ZNF385B: variants seen among roughly 807,000 people sequenced by gnomAD.
The protein encoded by ZNF385B is zinc finger protein 533.
Under a neutral mutation model 39.2 loss-of-function variants are expected in ZNF385B, and 23 were observed. The ratio of observed to expected loss-of-function variants is 0.59; its 90% CI spans 0.42 to 0.83. The LOEUF is 0.83. Ranked by LOEUF, ZNF385B falls within the 40% of genes least tolerant of loss-of-function variation. The probability of loss-of-function intolerance (pLI) is 0.00; values close to 1 mark genes in which losing one functional copy is unlikely to be tolerated. For missense variants in ZNF385B, 552 were observed against 598.9 expected (o/e 0.92, Z 0.82); for synonymous variants, 205 against 222.6 (o/e 0.92, Z 0.70).
intron 1 of ZNF385B, among the ~76,000 whole-genome samples, chr2:179,845,152 T>A (rs1708735465): frequency 1.3e-5 from 2 of 152,254 alleles, no homozygotes; most frequent in South Asian, 4.2e-4. Context: ...TAAACTGAAG[T>A]CCATCATAGA....
intron 7 of ZNF385B, 23 bp from the exon 8 acceptor site, chr2:179,445,751 T>G: frequency 6.4e-7 from 1 of 1,566,066 alleles, no homozygotes; most frequent in Non-Finnish European, 8.6e-7. Context: ...GAGACACATA[T>G]TAAATAGCTA....
chr2:179,850,138 G>A (rs550532047), intron 1 of ZNF385B, among the ~76,000 whole-genome samples: 3 of 152,290 alleles, frequency 2.0e-5, no homozygotes, highest in South Asian at 4.1e-4. Context: ...GGGGGGAAAG[G>A]TGAAGTAATT....
intron 3 of ZNF385B, among the ~76,000 whole-genome samples, chr2:179,557,556 CATGTTATATATGTATGTTATATA>C (rs2061003711): frequency 9.6e-6 from 1 of 103,854 alleles, no homozygotes; most frequent in Admixed American, 1.0e-4. Context: ...AACATATATA[CATGTTATATATGTATGTTATATA>C]CATGTATATA....
At chr2:179,763,467 T>C (rs1489944929) in intron 3 of ZNF385B, among the ~76,000 whole-genome samples, 1 of 152,216 alleles carries the variant, frequency 6.6e-6, no homozygotes, top group African/African-American at 2.4e-5. Context: ...TTATGGACTT[T>C]TCCTCTATTG....
chr2:179,609,019 T>C (rs1689068753), intron 3 of ZNF385B, among the ~76,000 whole-genome samples: 1 of 152,006 alleles, frequency 6.6e-6, no homozygotes, highest in South Asian at 2.1e-4. Flanking sequence ...CTAATAATAA[T>C]ATTAAGGTAA....
At chr2:179,698,960 T>TAAA (rs1446434744) in intron 3 of ZNF385B, among the ~76,000 whole-genome samples, 1 of 152,198 alleles carries the variant, frequency 6.6e-6, no homozygotes, top group African/African-American at 2.4e-5. Flanking sequence ...TTTAAATAAT[T>TAAA]TCACTATTGA....
intron 3 of ZNF385B, among the ~76,000 whole-genome samples, chr2:179,653,043 AT>A (rs749428008): frequency 1.3e-5 from 2 of 152,090 alleles, no homozygotes; most frequent in South Asian, 4.1e-4. Flanking sequence ...CTCAATAAAA[AT>A]TTTTTAAGTA....
intron 3 of ZNF385B, among the ~76,000 whole-genome samples, chr2:179,681,855 G>A (rs1485528164): frequency 6.6e-6 from 1 of 152,194 alleles, no homozygotes; most frequent in Non-Finnish European, 1.5e-5. Flanking sequence ...AAATGTGCAT[G>A]ACTTATGGCC....
chr2:179,763,622 A>G (rs1703523928), intron 3 of ZNF385B, among the ~76,000 whole-genome samples: 1 of 152,216 alleles, frequency 6.6e-6, no homozygotes, highest in Non-Finnish European at 1.5e-5. Flanking sequence ...CATTTCAAAT[A>G]TAAGCATTTA....
intron 1 of ZNF385B, among the ~76,000 whole-genome samples, chr2:179,817,255 C>T (rs1400282292): frequency 7.2e-5 from 11 of 152,132 alleles, no homozygotes; most frequent in Non-Finnish European, 1.6e-4. Context: ...GACATAAGAA[C>T]ATTGATCTAC....
intron 3 of ZNF385B, among the ~76,000 whole-genome samples, chr2:179,642,388 A>T (rs1692345240): frequency 6.6e-6 from 1 of 152,158 alleles, no homozygotes; most frequent in African/African-American, 2.4e-5. Flanking sequence ...CAACTAACTC[A>T]TACACCTGAA....
intron 3 of ZNF385B, among the ~76,000 whole-genome samples, chr2:179,701,659 A>G (rs1699211684): frequency 6.6e-6 from 1 of 152,188 alleles, no homozygotes; most frequent in Non-Finnish European, 1.5e-5. Flanking sequence ...TAAATATTCT[A>G]AAGAAGTGAA....
chr2:179,499,810 A>G (rs1239029466), intron 5 of ZNF385B, among the ~76,000 whole-genome samples: 2 of 152,040 alleles, frequency 1.3e-5, no homozygotes, highest in Non-Finnish European at 2.9e-5. Context: ...CAAGAGAAGG[A>G]TATAAAGGAC....
chr2:179,695,713 G>A (rs1334281840), intron 3 of ZNF385B, among the ~76,000 whole-genome samples: 4 of 152,192 alleles, frequency 2.6e-5, no homozygotes, highest in Non-Finnish European at 5.9e-5. Flanking sequence ...TGAGAACATA[G>A]AGAATTGGAA....
At chr2:179,513,454 G>A (rs537054909) in intron 5 of ZNF385B, among the ~76,000 whole-genome samples, 1 of 152,294 alleles carries the variant, frequency 6.6e-6, no homozygotes, top group Non-Finnish European at 1.5e-5. Context: ...ATGCTTATGT[G>A]TGCACATATG....
intron 3 of ZNF385B, among the ~76,000 whole-genome samples, chr2:179,701,135 T>C (rs1284919906): frequency 1.3e-5 from 2 of 152,250 alleles, no homozygotes; most frequent in East Asian, 3.8e-4. Context: ...TCTAATATTT[T>C]GTTAACATTG....
intron 6 of ZNF385B, among the ~76,000 whole-genome samples, chr2:179,451,433 T>C (rs2050145006): frequency 6.6e-6 from 1 of 151,968 alleles, no homozygotes; most frequent in Admixed American, 6.6e-5. Flanking sequence ...TAGATGTCAA[T>C]TGAGCCAGAA....
chr2:179,720,078 C>T (rs924036957), intron 3 of ZNF385B, among the ~76,000 whole-genome samples: 1 of 152,080 alleles, frequency 6.6e-6, no homozygotes, highest in Non-Finnish European at 1.5e-5. Context: ...CCAAACTTAT[C>T]TTAAATAAGT....
chr2:179,780,920 A>G (rs986807443), intron 1 of ZNF385B, among the ~76,000 whole-genome samples: 1 of 152,236 alleles, frequency 6.6e-6, no homozygotes, highest in African/African-American at 2.4e-5. Context: ...TCAGATAAAT[A>G]ACACTTTTCC....
Sources: allele counts gnomAD v4.1 joint callset (sites outside exome capture counted in the v4.1 genomes callset), GRCh38; gene constraint gnomAD v4.1.1; transcripts MANE v1.5; gene names NCBI Gene and HGNC (gene_info 2026-07-23, HGNC 2026-07-21).